ALOX15B: variants seen among roughly 807,000 people sequenced by gnomAD.
ALOX15B encodes arachidonate 15-lipoxygenase type B.
In ALOX15B, 74 loss-of-function variants were observed where a neutral mutation model predicts 73.8. The ratio of observed to expected loss-of-function variants is 1.00; its 90% CI spans 0.83 to 1.22. ALOX15B has a LOEUF of 1.22. Among genes scored for constraint, ALOX15B ranks in the 50% most tolerant of loss-of-function variants. ALOX15B has a pLI of 0.00. For missense variants in ALOX15B, 896 were observed against 859.9 expected (o/e 1.04, Z -0.52); for synonymous variants, 353 against 357.2 (o/e 0.99, Z 0.13).
Position 8,045,402 on chromosome 17 carries a change from G to A in ALOX15B, c.996+18G>A, listed in dbSNP as rs766520554. 2 of 1,613,832 alleles carry A rather than the reference G, an allele frequency of 1.2e-6. No individual in the cohort carries two copies. Among genetic ancestry groups the A allele is most frequent in the South Asian group, 2.2e-5 (2 of 91,078 alleles). On this transcript the variant is annotated intron_variant, in intron 7 of 13. Coordinates refer to ENST00000380183, the MANE Select transcript of ALOX15B (RefSeq NM_001141.3). ...CCATCCAGGTATGCAGTCAGGCAGG[G>A]GCAGGGCAGCGTGAAGAAGAGTCAG...
Position 8,044,885 on chromosome 17 carries a change from G to A in ALOX15B, c.733G>A (p.Gly245Ser), listed in dbSNP as rs769911219. 1.2e-6 allele frequency: 2 copies of A among 1,613,086 alleles called. No individual in the cohort carries two copies. Among genetic ancestry groups the A allele is most frequent in the East Asian group, 2.2e-5 (1 of 44,840 alleles). The change falls in exon 6 of 14, where the codon GGT becomes AGT. Residue 245 changes from glycine (G) to serine (S), a missense_variant. By Grantham distance (56) the Gly-to-Ser change is moderately conservative. Coordinates refer to ENST00000380183, the MANE Select transcript of ALOX15B (RefSeq NM_001141.3). ...DAFFASQFLN[G>S]LNPVLIRRCH... ...CTTCTTCGCCTCCCAGTTCCTGAAT[G>A]GTCTCAACCCTGTCCTGATCCGCCG...
rs1976619488 is a variant in ALOX15B, at chr17:8,046,740, C to G, written c.1273C>G (p.Gln425Glu). Residue 425 changes from glutamine (Q) to glutamate (E), a missense_variant, in exon 9 of 14, where the codon CAG becomes GAG. Physicochemically the swap from Gln to Glu is conservative, Grantham distance 29 (BLOSUM62 2). Transcript: ENST00000380183. ...LARELLIVPGQVVDRSTGIGI... is the reference protein window; with the variant it reads ...LARELLIVPGEVVDRSTGIGI... ...CCGGGAGCTGCTTATCGTGCCAGGG[C>G]AGGTGGTGGACAGGGTGAGAGCTGT... is the stretch of plus-strand genomic sequence containing the variant. 1 of 1,613,828 alleles carries G rather than the reference C, an allele frequency of 6.2e-7. No individual in the cohort carries two copies. The highest frequency in any genetic ancestry group is 1.3e-5 in the African/African-American group (1 of 74,912).
chr17:8,042,701 C>A, intron 4 of ALOX15B, 80 bp from the exon 5 acceptor site: 1 of 1,410,940 alleles, frequency 7.1e-7, no homozygotes, highest in South Asian at 1.3e-5. Flanking sequence ...TTCAGGATCC[C>A]AAGAGGCATA....
chr17:8,040,119 T>A, intron 3 of ALOX15B, 136 bp downstream of exon 3: 1 of 772,766 alleles, frequency 1.3e-6, no homozygotes, highest in East Asian at 2.7e-5. Flanking sequence ...CAGCAGCGTC[T>A]ACAGGAACGT....
intron 3 of ALOX15B, 40 bp from the exon 4 acceptor site, chr17:8,042,329 T>C (rs1409907550): frequency 1.9e-6 from 3 of 1,608,750 alleles, no homozygotes; most frequent in Admixed American, 1.7e-5. Flanking sequence ...AGAGTCTCCC[T>C]GAGGCCTCTT....
intron 3 of ALOX15B, among the ~76,000 whole-genome samples, chr17:8,040,631 G>GA (rs1393208879): frequency 1.5e-5 from 2 of 130,460 alleles, no homozygotes; most frequent in African/African-American, 5.3e-5. Context: ...AAGAAAGAAA[G>GA]AAAGAAAGAA....
rs1349667070 is a variant in ALOX15B at position 8,047,345 on chromosome 17, C to A, written c.1545C>A (p.Ile515=). Residue 515 remains isoleucine (I), a synonymous_variant, in exon 11 of 14, where the codon ATC becomes ATA. Coordinates refer to ENST00000380183, the MANE Select transcript of ALOX15B (RefSeq NM_001141.3). ...DRELQAWVRE[I]FSKGFLNQES... is the part of the protein sequence containing the mutation. Reference sequence around the variant, plus strand: ...AGCTCCAGGCCTGGGTCAGAGAGATCTTCTCCAAGGGCTTCCTAAACCAGG... The same window carrying A: ...AGCTCCAGGCCTGGGTCAGAGAGATATTCTCCAAGGGCTTCCTAAACCAGG... The A allele has an allele frequency of 1.2e-6, 2 of 1,613,968 alleles. No homozygotes were observed. The highest frequency in any genetic ancestry group is 1.3e-5 in the African/African-American group (1 of 74,894).
intron 13 of ALOX15B, 94 bp downstream of exon 13, chr17:8,048,009 G>A: frequency 2.8e-6 from 4 of 1,427,888 alleles, no homozygotes; most frequent in Non-Finnish European, 3.8e-6. Flanking sequence ...CTGCCATCAG[G>A]TAGCGGGTCC....
Position 8,047,280 on chromosome 17 carries a change from A to G in ALOX15B, c.1480A>G (p.Ile494Val), listed in dbSNP as rs780789741. 7 of 1,613,942 alleles carry G rather than the reference A, an allele frequency of 4.3e-6. No individual in the cohort carries two copies. In the South Asian group the frequency reaches 4.4e-5, roughly 10 times the overall value. The change falls in exon 11 of 14, where the codon ATC becomes GTC. Residue 494 changes from isoleucine (I) to valine (V), a missense_variant. By Grantham distance (29) the Ile-to-Val change is conservative. Coordinates refer to ENST00000380183, the MANE Select transcript of ALOX15B (RefSeq NM_001141.3). ...VERFVSEIIG[I>V]YYPSDESVQD... ...CAGCTTTGTCTCTGAAATCATCGGT[A>G]TCTACTACCCAAGTGATGAGTCTGT...
At chr17:8,044,607 G>A (rs573803666) in intron 5 of ALOX15B, among the ~76,000 whole-genome samples, 1 of 152,190 alleles carries the variant, frequency 6.6e-6, no homozygotes, top group East Asian at 1.9e-4. Context: ...TTCAGGGGGA[G>A]TGTCAGGCAG....
At chr17:8,045,762 C>A in intron 8 of ALOX15B, 76 bp downstream of exon 8, 1 of 1,494,310 alleles carries the variant, frequency 6.7e-7, no homozygotes, top group Non-Finnish European at 9.1e-7. Context: ...CCTCACATGG[C>A]CCTATCCATG....
intron 9 of ALOX15B, 67 bp from the exon 10 acceptor site, chr17:8,046,840 C>T (rs1469040074): frequency 1.9e-6 from 3 of 1,611,348 alleles, no homozygotes; most frequent in African/African-American, 2.7e-5. Flanking sequence ...GGCCCATCTC[C>T]CCGACACCAG....
intron 8 of ALOX15B, 108 bp downstream of exon 8, chr17:8,045,794 C>G (rs969487566): frequency 3.2e-6 from 4 of 1,250,172 alleles, no homozygotes; most frequent in Admixed American, 2.0e-5. Flanking sequence ...GCAGAGCCCC[C>G]GTCCGCTTCA....
rs1555638514 is a variant in ALOX15B, at chr17:8,040,650, A to AGAAAGAAAGAAG, written c.449+671_449+672insGAAAGAAGGAAA. Among the ~76,000 whole-genome samples the AGAAAGAAAGAAG allele has an allele frequency of 1.9e-4, 21 of 112,790 alleles. No individual in the cohort carries two copies. In the South Asian group the frequency reaches 4.8e-3, roughly 26 times the overall value. The allele number at this position is 112,790 out of a possible 152,430, so 74.0% of individuals were successfully genotyped here. ...AAGAAAGAAAGAAAGAAAGAAAGAA[A>AGAAAGAAAGAAG]GAAAAGAAAGAGAAAGAAACTGCTT... On this transcript the variant is annotated intron_variant, in intron 3 of 13. Coordinates refer to ENST00000380183, the MANE Select transcript of ALOX15B (RefSeq NM_001141.3).
Position 8,045,315 on chromosome 17 carries a change from C to G in ALOX15B, c.927C>G (p.Phe309Leu). 2 of 1,614,226 alleles carry G rather than the reference C, an allele frequency of 1.2e-6. No homozygotes were observed. Among genetic ancestry groups the G allele is most frequent in the Middle Eastern group, 1.6e-4 (1 of 6,062 alleles). Residue 309 changes from phenylalanine to leucine, a missense_variant, in exon 7 of 14, where the codon TTC becomes TTG. Physicochemically the swap from Phe to Leu is conservative, Grantham distance 22. Transcript: ENST00000380183. ...QTNVINGKPQ[F>L]SAAPMTLLYQ... ...ATGTCATTAATGGGAAGCCTCAGTT[C>G]TCTGCGGCCCCAATGACCCTGCTAT... is the stretch of plus-strand genomic sequence containing the variant.
At chr17:8,047,412 G>A in intron 11 of ALOX15B, 33 bp downstream of exon 11, 6 of 1,612,158 alleles carry the variant, frequency 3.7e-6, no homozygotes, top group Non-Finnish European at 5.1e-6. Context: ...GCGCATTTGA[G>A]TGAGCCCATC....
Position 8,042,800 on chromosome 17 carries a change from A to T in ALOX15B, c.592A>T (p.Lys198Ter). The T allele has an allele frequency of 6.4e-7, 1 of 1,559,070 alleles. No homozygotes were observed. The highest frequency in any genetic ancestry group is 8.7e-7 in the Non-Finnish European group (1 of 1,151,336). ...AGSAFAEMKI[K>*]GLLDRKGLWR... Reference sequence around the variant, plus strand: ...TGGCAGTTTTGCAGAGATGAAAATCAAGGGGTTGCTGGACCGCAAGGGGCT... The same window carrying T: ...TGGCAGTTTTGCAGAGATGAAAATCTAGGGGTTGCTGGACCGCAAGGGGCT... The change falls in exon 5 of 14, where the codon AAG (lysine) becomes TAG (stop). Residue 198 changes from lysine (K) to a stop codon, truncating the protein, a stop_gained. Coordinates refer to ENST00000380183, the MANE Select transcript of ALOX15B (RefSeq NM_001141.3). LOFTEE classifies it high-confidence loss of function.
At chr17:8,047,436 C>G in intron 11 of ALOX15B, 57 bp downstream of exon 11, 2 of 1,607,374 alleles carry the variant, frequency 1.2e-6, no homozygotes, top group African/African-American at 1.3e-5. Flanking sequence ...GTGTCCCCCA[C>G]CCCCTGCAGA....
In ALOX15B at chr17:8,042,627, A is replaced by G. The variant is rs1976492308; in HGVS notation, c.572+136A>G. 9 of 1,393,294 alleles carry G rather than the reference A, an allele frequency of 6.5e-6. No homozygotes were observed. The South Asian group carries it at 9.2e-5, about 14-fold the overall frequency. The allele number at this position is 1,393,294 out of a possible 1,614,324, so 86.3% of individuals were successfully genotyped here. On this transcript the variant is annotated intron_variant, in intron 4 of 13. Transcript: ENST00000380183. ...CTGCCCAGGAAACAGCCTCCTTCCC[A>G]CTACCAATCCCACAGAGCAACAGCT...
Sources: gnomAD v4.1 joint callset for allele counts (sites outside exome capture counted in the v4.1 genomes callset) on GRCh38, gnomAD v4.1.1 for gene constraint, MANE v1.5 for transcripts, NCBI Gene and HGNC (gene_info 2026-07-23, HGNC 2026-07-21) for gene names.